The following FILIP1L variants were observed in gnomAD, a reference collection of about 807,000 sequenced individuals.
FILIP1L encodes filamin A-interacting protein 1-like.
Under a neutral mutation model 96.6 loss-of-function variants are expected in FILIP1L, and 55 were observed. The ratio of observed to expected loss-of-function variants is 0.57; its 90% confidence interval spans 0.46 to 0.71. The LOEUF is 0.71. Ranked by LOEUF, FILIP1L falls within the 30% of genes least tolerant of loss-of-function variation. The probability of loss-of-function intolerance (pLI) is 0.00; values close to 1 mark genes in which losing one functional copy is unlikely to be tolerated. For missense variants in FILIP1L, 1,304 were observed against 1,321.2 expected (o/e 0.99, Z 0.20); for synonymous variants, 467 against 473.9 (o/e 0.99, Z 0.19).
chr3:100,029,293 A>C (rs931247026), intron 1 of FILIP1L, among the ~76,000 whole-genome samples: 2 of 152,046 alleles, frequency 1.3e-5, no homozygotes, highest in Non-Finnish European at 2.9e-5. Flanking sequence ...AAATTTACTT[A>C]TTTGTACAGA....
chr3:100,092,533 C>A (rs966753892), intron 1 of FILIP1L, among the ~76,000 whole-genome samples: 4 of 151,258 alleles, frequency 2.6e-5, no homozygotes, highest in African/African-American at 7.3e-5. Context: ...CCTTAAAATA[C>A]CCTTGCATGT....
At chr3:99,839,268 C>T (rs1021026669) in intron 5 of FILIP1L, among the ~76,000 whole-genome samples, 5 of 152,158 alleles carry the variant, frequency 3.3e-5, no homozygotes, top group African/African-American at 1.2e-4. Flanking sequence ...TAAGCTACCC[C>T]TTAACTCCCA....
chr3:99,888,998 A>G (rs184625532), intron 4 of FILIP1L, among the ~76,000 whole-genome samples: 317 of 152,246 alleles, frequency 2.1e-3, no homozygotes, highest in Non-Finnish European at 3.5e-3. Context: ...TATGTTATCT[A>G]TCCTTTGACA....
intron 4 of FILIP1L, among the ~76,000 whole-genome samples, chr3:99,875,555 ATTTTACT>A (rs1271397797): frequency 6.6e-6 from 1 of 152,140 alleles, no homozygotes; most frequent in African/African-American, 2.4e-5. Context: ...GCTTAAAAAG[ATTTTACT>A]TTTTAAGTTA....
intron 5 of FILIP1L, among the ~76,000 whole-genome samples, chr3:99,842,837 T>C (rs1008219284): frequency 6.6e-6 from 1 of 152,176 alleles, no homozygotes; most frequent in East Asian, 1.9e-4. Flanking sequence ...CCCATGTAAA[T>C]GGTGTTAATT....
At chr3:100,107,752 C>T (rs1337146841) in intron 1 of FILIP1L, among the ~76,000 whole-genome samples, 1 of 151,888 alleles carries the variant, frequency 6.6e-6, no homozygotes, top group Non-Finnish European at 1.5e-5. Flanking sequence ...AATAATTTTG[C>T]ACTTTTAGAA....
chr3:100,068,793 A>C (rs1480136950), intron 1 of FILIP1L, among the ~76,000 whole-genome samples: 7 of 152,146 alleles, frequency 4.6e-5, no homozygotes, highest in Admixed American at 2.0e-4. Flanking sequence ...ATGCCCAGCT[A>C]ATTTTTGTAT....
intron 1 of FILIP1L, among the ~76,000 whole-genome samples, chr3:100,035,850 CAT>C (rs932618040): frequency 3.5e-4 from 53 of 152,184 alleles, no homozygotes; most frequent in Non-Finnish European, 7.2e-4. Flanking sequence ...CTTTCCCCCA[CAT>C]TGGATTCTTT....
intron 1 of FILIP1L, among the ~76,000 whole-genome samples, chr3:100,034,915 T>A (rs2065081314): frequency 6.6e-6 from 1 of 152,174 alleles, no homozygotes. Flanking sequence ...GTAGTCCACT[T>A]TCCTATTTTA....
chr3:100,057,197 C>T (rs1291270853), intron 1 of FILIP1L, among the ~76,000 whole-genome samples: 1 of 152,164 alleles, frequency 6.6e-6, no homozygotes, highest in East Asian at 1.9e-4. Context: ...CTCTGCCCCT[C>T]CAGTGGACTA....
At chr3:99,863,733 T>C (rs1944374025) in intron 4 of FILIP1L, among the ~76,000 whole-genome samples, 1 of 152,224 alleles carries the variant, frequency 6.6e-6, no homozygotes, top group Admixed American at 6.5e-5. Flanking sequence ...AAACGTATAC[T>C]AGGAACAGTC....
At chr3:99,914,816 C>T (rs1443578489) in intron 4 of FILIP1L, among the ~76,000 whole-genome samples, 1 of 152,136 alleles carries the variant, frequency 6.6e-6, no homozygotes, top group Non-Finnish European at 1.5e-5. Flanking sequence ...AATATAAATG[C>T]CCACAACAGA....
In FILIP1L at chr3:100,002,079, C is replaced by T. The variant is rs999679294; in HGVS notation, c.-10-71049G>A. 3.9e-5 allele frequency among the ~76,000 whole-genome samples: 6 copies of T among 152,148 alleles called. No homozygotes were observed. In the East Asian group the frequency reaches 7.7e-4, roughly 20 times the overall value. On this transcript the variant is annotated intron_variant, in intron 1 of 5. Transcript: ENST00000477258. ...GACTGTTTGCAGCTCTGGAAAAGCGCGGTGCCACTGCAAGTGGAAAACATG... is the reference window on the plus strand; with the variant it reads ...GACTGTTTGCAGCTCTGGAAAAGCGTGGTGCCACTGCAAGTGGAAAACATG...
At chr3:100,073,410 A>AT (rs2065794200) in intron 1 of FILIP1L, among the ~76,000 whole-genome samples, 1 of 152,194 alleles carries the variant, frequency 6.6e-6, no homozygotes, top group Admixed American at 6.5e-5. Flanking sequence ...CTGTCATGAA[A>AT]GTATACATTT....
intron 1 of FILIP1L, chr3:100,011,791 G>A (rs1354225131): frequency 6.6e-6 from 1 of 152,200 alleles, no homozygotes; most frequent in Non-Finnish European, 1.5e-5. Context: ...AAAACACTGT[G>A]TTTTGGTTGA....
chr3:99,933,805 C>T (rs1435946601), intron 1 of FILIP1L, among the ~76,000 whole-genome samples: 2 of 152,128 alleles, frequency 1.3e-5, no homozygotes, highest in Non-Finnish European at 2.9e-5. Flanking sequence ...CCTGGTGCTC[C>T]ATACATAATG....
intron 1 of FILIP1L, among the ~76,000 whole-genome samples, chr3:100,054,711 G>A (rs1224401133): frequency 6.6e-6 from 1 of 152,092 alleles, no homozygotes; most frequent in Non-Finnish European, 1.5e-5. Flanking sequence ...CCTCTGGGCT[G>A]CACTGTCTTT....
chr3:100,018,119 G>A (rs1710398562), intron 1 of FILIP1L, among the ~76,000 whole-genome samples: 1 of 152,152 alleles, frequency 6.6e-6, no homozygotes, highest in African/African-American at 2.4e-5. Context: ...ACCAGGTCAA[G>A]AGATCGAGAC....
intron 5 of FILIP1L, among the ~76,000 whole-genome samples, chr3:99,832,356 C>G (rs1003677153): frequency 9.9e-5 from 15 of 150,942 alleles, no homozygotes; most frequent in Admixed American, 6.6e-5. Context: ...TCAGCCTCCC[C>G]AGTAGCTGGG....
Sources: gnomAD v4.1 joint callset for allele counts (sites outside exome capture counted in the v4.1 genomes callset) on GRCh38, gnomAD v4.1.1 for gene constraint, MANE v1.5 for transcripts, NCBI Gene and HGNC (gene_info 2026-07-23, HGNC 2026-07-21) for gene names.